Variants in MACF1 observed in about 807,000 individuals in gnomAD.
MACF1 encodes microtubule-actin cross-linking factor 1.
A neutral mutation model predicts 854.8 loss-of-function variants in MACF1; 193 were observed. That is an observed-to-expected ratio of 0.23 (90% CI 0.20 to 0.25). MACF1 has a LOEUF of 0.25. Among genes scored for constraint, MACF1 ranks in the 10% least tolerant of loss-of-function variants. MACF1 has a pLI of 1.00. For synonymous variants in MACF1, 3,185 were observed against 3,226.7 expected (o/e 0.99, Z 0.44); for missense variants, 7,722 against 8,929.1 (o/e 0.86, Z 5.45).
At chr1:39,205,965 C>T (rs1644445524) in intron 1 of MACF1, among the ~76,000 whole-genome samples, 1 of 152,016 alleles carries the variant, frequency 6.6e-6, no homozygotes, top group African/African-American at 2.4e-5. Flanking sequence ...GGAGTGTATA[C>T]CCTTGGGTCT....
Position 39,335,026 on chromosome 1 carries a change from G to A in MACF1, c.8438G>A (p.Arg2813Lys). 6.2e-7 allele frequency: 1 copy of A among 1,614,010 alleles called. No individual in the cohort carries two copies. The highest frequency in any genetic ancestry group is 1.3e-5 in the African/African-American group (1 of 75,038). Reference sequence around the variant, plus strand: ...TGTAATAAAGTAGAAGAGAGTGAGAGATTATTTCAAGTTGAAAATCAGTCT... The same window carrying A: ...TGTAATAAAGTAGAAGAGAGTGAGAAATTATTTCAAGTTGAAAATCAGTCT... ...MSCNKVEESERLFQVENQSAQ... is the reference protein window; with the variant it reads ...MSCNKVEESEKLFQVENQSAQ... The change falls in exon 37 of 101, where the codon AGA becomes AAA. Residue 2813 changes from arginine to lysine, a missense_variant. Coordinates refer to ENST00000564288, the MANE Select transcript of MACF1 (RefSeq NM_001394062.1).
intron 2 of MACF1, among the ~76,000 whole-genome samples, chr1:39,149,850 G>T (rs1003317596): frequency 1.3e-5 from 2 of 152,104 alleles, no homozygotes; most frequent in East Asian, 1.9e-4. Flanking sequence ...CTGCCTCAAA[G>T]CCCTGTAGGA....
chr1:39,221,671 A>T (rs969666989), intron 1 of MACF1, among the ~76,000 whole-genome samples: 1 of 152,214 alleles, frequency 6.6e-6, no homozygotes, highest in Non-Finnish European at 1.5e-5. Flanking sequence ...AAGGCTATTT[A>T]AAATAGCTAA....
rs1292656198 is a variant in MACF1 at position 39,447,892 on chromosome 1, A to G, written c.19962A>G (p.Ala6654=). 5 of 1,614,096 alleles carry G rather than the reference A, an allele frequency of 3.1e-6. No homozygotes were observed. Among genetic ancestry groups the G allele is most frequent in the Non-Finnish European group, 4.2e-6 (5 of 1,180,016 alleles). Residue 6654 remains alanine, a synonymous_variant, in exon 82 of 101, where the codon GCA becomes GCG. Transcript: ENST00000564288. ...CACTAGATGATGCCAGGAAGCGGGC[A>G]AAACAAGTAAGTTGGGGAAGAAAGA... ...GRSLDDARKR[A]KQFHEAWKKL... is the part of the protein sequence containing the mutation.
At chr1:39,449,678 G>A (rs181055128) in intron 84 of MACF1, among the ~76,000 whole-genome samples, 12 of 146,564 alleles carry the variant, frequency 8.2e-5, no homozygotes, top group African/African-American at 1.8e-4. Flanking sequence ...GATTACAGGC[G>A]TGAGCCACCG....
Position 39,334,114 on chromosome 1 carries a change from A to G in MACF1, c.7526A>G (p.His2509Arg), listed in dbSNP as rs1646772499. 1 of 1,614,176 alleles carries G rather than the reference A, an allele frequency of 6.2e-7. No homozygotes were observed. Among genetic ancestry groups the G allele is most frequent in the Non-Finnish European group, 8.5e-7 (1 of 1,180,024 alleles). Residue 2509 changes from histidine (H) to arginine (R), a missense_variant, in exon 37 of 101, where the codon CAC (histidine) becomes CGC (arginine). Coordinates refer to ENST00000564288, the MANE Select transcript of MACF1 (RefSeq NM_001394062.1). ...CAAGTGGTAGATGGAGGTATCATTC[A>G]CCATATATCTGGGATGAGACTTTCT... ...TKQVVDGGII[H>R]HISGMRLSVD...
Position 39,234,496 on chromosome 1 carries a change from G to A in MACF1, c.171+3253G>A, listed in dbSNP as rs1159683454. Among the ~76,000 whole-genome samples the A allele has an allele frequency of 3.6e-5, 5 of 137,280 alleles. 1 individual carries two copies. Among genetic ancestry groups the A allele is most frequent in the South Asian group, 5.5e-4 (2 of 3,666 alleles). 90.1% of individuals were successfully genotyped at this position (137,280 alleles called of 152,430 possible). A position where few individuals can be genotyped will look rare whatever the true frequency, so the allele number is the denominator to read the frequency against. ...CCTCACTTCTCAGTAGGGGCAGCCGGGCAGAGGCGCCCCTCACCTCCCGGA... is the reference window on the plus strand; with the variant it reads ...CCTCACTTCTCAGTAGGGGCAGCCGAGCAGAGGCGCCCCTCACCTCCCGGA... On this transcript the variant is annotated intron_variant, in intron 2 of 100. Transcript: ENST00000564288.
intron 2 of MACF1, among the ~76,000 whole-genome samples, chr1:39,137,008 A>G (rs968009466): frequency 2.0e-5 from 3 of 152,176 alleles, no homozygotes; most frequent in African/African-American, 7.2e-5. Context: ...TGACCAAGTT[A>G]TATTTACCCT....
intron 2 of MACF1, among the ~76,000 whole-genome samples, chr1:39,241,659 CAAAAAA>C (rs35678466): frequency 5.8e-5 from 3 of 51,484 alleles, no homozygotes; most frequent in Non-Finnish European, 1.1e-4. Flanking sequence ...GACTCCATCT[CAAAAAA>C]AAAAAAAAAA....
At chr1:39,108,603 C>T (rs558322339) in intron 2 of MACF1, among the ~76,000 whole-genome samples, 2 of 150,636 alleles carry the variant, frequency 1.3e-5, no homozygotes, top group African/African-American at 2.4e-5. Flanking sequence ...CTCTGCCTCG[C>T]GGTTCACGCC....
At chr1:39,319,227 G>A (rs1459154979) in intron 30 of MACF1, among the ~76,000 whole-genome samples, 1 of 152,152 alleles carries the variant, frequency 6.6e-6, no homozygotes, top group Non-Finnish European at 1.5e-5. Flanking sequence ...ATTAACTGAA[G>A]TGATACATGT....
At chr1:39,288,021 T>G (rs1645679586) in intron 15 of MACF1, among the ~76,000 whole-genome samples, 2 of 152,166 alleles carry the variant, frequency 1.3e-5, no homozygotes, top group South Asian at 4.1e-4. Context: ...CCTTTTTTTT[T>G]AATTAAAAAA....
chr1:39,089,933 CA>C (rs1335203931), intron 2 of MACF1, among the ~76,000 whole-genome samples: 2 of 152,212 alleles, frequency 1.3e-5, no homozygotes, highest in Non-Finnish European at 1.5e-5. Context: ...CTGCACTTAA[CA>C]GTGTCATTCC....
At position 39,464,803 on chromosome 1, in the gene MACF1, A is replaced by G. The variant is rs577056197; in HGVS notation, c.21754-292A>G. 58 of 373,726 alleles carry G rather than the reference A, an allele frequency of 1.6e-4. No homozygotes were observed. In the Admixed American group the frequency reaches 1.9e-3, roughly 12 times the overall value. The allele number at this position is 373,726 out of a possible 1,614,324, so 23.2% of individuals were successfully genotyped here. A position where few individuals can be genotyped will look rare whatever the true frequency, so the allele number is the denominator to read the frequency against. ...GTAGCGCATGCCTGTAATCCCAACT[A>G]CTAGGGAGGCTGAGGCAGGAGAATT... On this transcript the variant is annotated intron_variant, in intron 94 of 100. Transcript: ENST00000564288.
chr1:39,131,537 A>G (rs1180519903), intron 2 of MACF1, among the ~76,000 whole-genome samples: 4 of 151,918 alleles, frequency 2.6e-5, no homozygotes, highest in Non-Finnish European at 4.4e-5. Context: ...TTTTCCCTCC[A>G]TAAGACTGTG....
At chr1:39,236,235 C>T (rs556663977) in intron 2 of MACF1, among the ~76,000 whole-genome samples, 6 of 152,260 alleles carry the variant, frequency 3.9e-5, no homozygotes, top group Non-Finnish European at 5.9e-5. Flanking sequence ...GTCTAGAAAC[C>T]GTGCTCTTAA....
At chr1:39,386,062 C>A in intron 57 of MACF1, 133 bp downstream of exon 57, 2 of 1,004,358 alleles carry the variant, frequency 2.0e-6, no homozygotes, top group Non-Finnish European at 2.8e-6. Context: ...TAAACCAATT[C>A]CTTCTCCTAG....
At chr1:39,393,840 A>G (rs1156233720) in intron 58 of MACF1, among the ~76,000 whole-genome samples, 2 of 127,538 alleles carry the variant, frequency 1.6e-5, no homozygotes, top group Admixed American at 7.6e-5. Flanking sequence ...AGAGAGAGGG[A>G]GGGAGGGAGA....
intron 100 of MACF1, 101 bp downstream of exon 100, chr1:39,484,831 G>C: frequency 7.2e-7 from 1 of 1,389,826 alleles, no homozygotes; most frequent in Non-Finnish European, 1.0e-6. Context: ...AATGAGAGTG[G>C]CACTTAGTGT....
Sources: gnomAD v4.1 joint callset for allele counts (sites outside exome capture counted in the v4.1 genomes callset) on GRCh38, gnomAD v4.1.1 for gene constraint, MANE v1.5 for transcripts, NCBI Gene and HGNC (gene_info 2026-07-23, HGNC 2026-07-21) for gene names.